Variants in CMTM7 observed in about 807,000 individuals in gnomAD.
CMTM7 encodes CKLF like MARVEL transmembrane domain containing 7.
In CMTM7, 7 loss-of-function variants were observed where a neutral mutation model predicts 19.3. The observed-to-expected ratio is 0.36, with a 90% confidence interval of 0.21 to 0.68. The LOEUF is 0.68. CMTM7 is among the 30% of genes least tolerant of loss of function. The probability of loss-of-function intolerance (pLI) is 0.60; values close to 1 mark genes in which losing one functional copy is unlikely to be tolerated. For synonymous variants in CMTM7, 87 were observed against 99.3 expected (o/e 0.88, Z 0.74); for missense variants, 193 against 232.6 (o/e 0.83, Z 1.11).
At chr3:32,417,597 G>T (rs1180958053) in intron 1 of CMTM7, among the ~76,000 whole-genome samples, 1 of 152,104 alleles carries the variant, frequency 6.6e-6, no homozygotes, top group Non-Finnish European at 1.5e-5. Context: ...GTTTTGTTGG[G>T]TCGTACGTTA....
rs1186935140 is a variant in CMTM7 at position 32,454,339 on chromosome 3, G to T, written c.*85G>T. 8 of 1,551,344 alleles carry T rather than the reference G, an allele frequency of 5.2e-6. No homozygotes were observed. The highest frequency in any genetic ancestry group is 7.1e-6 in the Non-Finnish European group (8 of 1,125,438). ...GCGAGGCCTCTGGACCTGTGTTCCT[G>T]TGCCAAAGTCCTGTCAGGCTGGTGG... On this transcript the variant is annotated 3_prime_UTR_variant, in exon 5 of 5. Coordinates refer to ENST00000334983, the MANE Select transcript of CMTM7 (RefSeq NM_138410.4).
At position 32,407,774 on chromosome 3, in the gene CMTM7, G is replaced by T. The variant is rs72857160; in HGVS notation, c.159+15709G>T. On this transcript the variant is annotated intron_variant, in intron 1 of 4. Transcript: ENST00000334983. ...TCCCCTGGGCCTGATGGGGGTCTGC[G>T]TGCTGACGGGAAGTCTACGAGGTTT... 2.6e-3 allele frequency among the ~76,000 whole-genome samples: 403 copies of T among 152,276 alleles called. 1 individual carries two copies. Among genetic ancestry groups the T allele is most frequent in the African/African-American group, 9.1e-3 (380 of 41,542 alleles).
At position 32,444,030 on chromosome 3, in the gene CMTM7, T is replaced by C. The variant is rs146609022; in HGVS notation, c.333+2017T>C. Among the ~76,000 whole-genome samples, 658 of 152,342 alleles carry C rather than the reference T, an allele frequency of 4.3e-3. 3 individuals are homozygous for C. The highest frequency in any genetic ancestry group is 0.015 in the African/African-American group (632 of 41,584). ...CTGATGTTTTTCACTTTTTTGATGGTGTCCTTTAAAGCACAAGTTTTTAAT... is the reference window on the plus strand; with the variant it reads ...CTGATGTTTTTCACTTTTTTGATGGCGTCCTTTAAAGCACAAGTTTTTAAT... On this transcript the variant is annotated intron_variant, in intron 2 of 4. Coordinates refer to ENST00000334983, the MANE Select transcript of CMTM7 (RefSeq NM_138410.4).
intron 1 of CMTM7, among the ~76,000 whole-genome samples, chr3:32,427,515 A>C (rs1169452410): frequency 4.6e-5 from 7 of 152,188 alleles, no homozygotes; most frequent in African/African-American, 1.7e-4. Flanking sequence ...ATAATACCAT[A>C]GCCACTAGCT....
chr3:32,424,683 C>T (rs1430433798), intron 1 of CMTM7, among the ~76,000 whole-genome samples: 1 of 149,740 alleles, frequency 6.7e-6, no homozygotes, highest in Admixed American at 6.6e-5. Flanking sequence ...CTCACTCTGT[C>T]GCCCAGGCTG....
In CMTM7 at chr3:32,413,587, T is replaced by C. The variant is rs188764825; in HGVS notation, c.159+21522T>C. Among the ~76,000 whole-genome samples, 166 of 152,306 alleles carry C rather than the reference T, an allele frequency of 1.1e-3. 1 individual carries two copies. The highest frequency in any genetic ancestry group is 3.7e-3 in the African/African-American group (152 of 41,552). On this transcript the variant is annotated intron_variant, in intron 1 of 4. Transcript: ENST00000334983. ...TCATTCACAGTGTTTCTCATAGTTTTAGATTTTTTTATTAGTGCAACACTA... is the reference window on the plus strand; with the variant it reads ...TCATTCACAGTGTTTCTCATAGTTTCAGATTTTTTTATTAGTGCAACACTA...
chr3:32,436,905 T>G (rs1374903158), intron 1 of CMTM7, among the ~76,000 whole-genome samples: 2 of 152,138 alleles, frequency 1.3e-5, no homozygotes, highest in African/African-American at 2.4e-5. Flanking sequence ...GAGTTTTCTG[T>G]AGAGATTTTT....
At chr3:32,448,979 C>T (rs1281213147) in intron 2 of CMTM7, among the ~76,000 whole-genome samples, 4 of 152,146 alleles carry the variant, frequency 2.6e-5, no homozygotes, top group Non-Finnish European at 5.9e-5. Context: ...CACACAAGAC[C>T]AGCACATTGT....
rs1206818614 is a variant in CMTM7, at chr3:32,441,978, T to C, written c.298T>C (p.Tyr100His). Residue 100 changes from tyrosine (Y) to histidine (H), a missense_variant, in exon 2 of 5, where the codon TAC (tyrosine) becomes CAC (histidine). Coordinates refer to ENST00000334983, the MANE Select transcript of CMTM7 (RefSeq NM_138410.4). ...TTACCTGGTCCACCTCTTCCGCTTC[T>C]ACCGCGTGCTCACCTGTATCAGCTG... ...AFYLVHLFRF[Y>H]RVLTCISWPL... 9 of 1,614,104 alleles carry C rather than the reference T, an allele frequency of 5.6e-6. No homozygotes were observed. The highest frequency in any genetic ancestry group is 1.1e-5 in the South Asian group (1 of 91,096).
chr3:32,404,215 C>T (rs1256692075), intron 1 of CMTM7, among the ~76,000 whole-genome samples: 1 of 135,504 alleles, frequency 7.4e-6, no homozygotes, highest in Non-Finnish European at 1.5e-5. Flanking sequence ...GACTGGAGTG[C>T]AGTGGCTCAA....
At chr3:32,411,600 AC>A (rs58480705) in intron 1 of CMTM7, among the ~76,000 whole-genome samples, 17,899 of 151,984 alleles carry the variant, frequency 0.12, 1,128 homozygotes, top group South Asian at 0.17. Flanking sequence ...TTGCTAAGTG[AC>A]CCCCTGAGTC....
intron 1 of CMTM7, among the ~76,000 whole-genome samples, chr3:32,412,045 G>T (rs937191565): frequency 6.6e-6 from 1 of 152,182 alleles, no homozygotes; most frequent in Non-Finnish European, 1.5e-5. Context: ...CTTTTTGGTA[G>T]TGGTGAAGTA....
intron 4 of CMTM7, among the ~76,000 whole-genome samples, chr3:32,453,975 A>C (rs9810344): frequency 0.028 from 4,235 of 152,336 alleles, 123 homozygotes; most frequent in African/African-American, 0.075. Flanking sequence ...TCACCAAAAG[A>C]AATGGCTAAA....
At chr3:32,437,383 G>C (rs949190957) in intron 1 of CMTM7, among the ~76,000 whole-genome samples, 1 of 152,012 alleles carries the variant, frequency 6.6e-6, no homozygotes, top group African/African-American at 2.4e-5. Context: ...GATCACTTGA[G>C]GTCAGGAGTT....
chr3:32,420,004 A>G lies in CMTM7; in HGVS notation c.160-21836A>G, dbSNP rs115411736. ...AGAAAAACTTGAAGTTATGCAGCTC[A>G]ATTCAGGAACAGGATGTAGGAAGAA... On this transcript the variant is annotated intron_variant, in intron 1 of 4. Coordinates refer to ENST00000334983, the MANE Select transcript of CMTM7 (RefSeq NM_138410.4). Among the ~76,000 whole-genome samples, 545 of 152,328 alleles carry G rather than the reference A, an allele frequency of 3.6e-3. 4 individuals are homozygous for G. Among genetic ancestry groups the G allele is most frequent in the Non-Finnish European group, 5.1e-3 (348 of 68,028 alleles).
chr3:32,420,470 G>A (rs1696327411), intron 1 of CMTM7, among the ~76,000 whole-genome samples: 1 of 152,200 alleles, frequency 6.6e-6, no homozygotes, highest in Non-Finnish European at 1.5e-5. Flanking sequence ...TTTTCACTTG[G>A]CACTCAGATG....
At chr3:32,442,655 G>A (rs759142319) in intron 2 of CMTM7, among the ~76,000 whole-genome samples, 3 of 152,162 alleles carry the variant, frequency 2.0e-5, no homozygotes, top group Non-Finnish European at 2.9e-5. Context: ...TGATGCTGTT[G>A]TGAGGATTGA....
chr3:32,401,461 G>A (rs1696002226), intron 1 of CMTM7, among the ~76,000 whole-genome samples: 1 of 152,232 alleles, frequency 6.6e-6, no homozygotes, highest in East Asian at 1.9e-4. Flanking sequence ...AGGTTTTCTG[G>A]CACTGCAGGG....
intron 2 of CMTM7, among the ~76,000 whole-genome samples, chr3:32,444,221 A>C (rs1000574752): frequency 6.6e-6 from 1 of 152,160 alleles, no homozygotes; most frequent in Non-Finnish European, 1.5e-5. Flanking sequence ...ATTTTGAGTT[A>C]ATGTTTTTTG....
Sources: gnomAD v4.1 joint callset for allele counts (sites outside exome capture counted in the v4.1 genomes callset) on GRCh38, gnomAD v4.1.1 for gene constraint, MANE v1.5 for transcripts, NCBI Gene and HGNC (gene_info 2026-07-23, HGNC 2026-07-21) for gene names.